The following MYO3B variants were observed in gnomAD, a reference collection of about 807,000 sequenced individuals.
MYO3B encodes the protein myosin-IIIb.
Under a neutral mutation model 174.6 loss-of-function variants are expected in MYO3B, and 156 were observed. The observed-to-expected ratio is 0.89, with a 90% confidence interval of 0.78 to 1.02. MYO3B has a LOEUF of 1.02. Ranked by LOEUF, MYO3B falls within the 50% of genes least tolerant of loss-of-function variation. The pLI is 0.00. For missense variants in MYO3B, 1,632 were observed against 1,639.4 expected, an observed-to-expected ratio of 1.00 and a Z score of 0.08; for synonymous variants, 563 against 569.1, an observed-to-expected ratio of 0.99 and a Z score of 0.15.
At chr2:170,186,037 G>A (rs1215662097) in intron 1 of MYO3B, among the ~76,000 whole-genome samples, 1 of 152,030 alleles carries the variant, frequency 6.6e-6, no homozygotes. Context: ...TTTTAATAGT[G>A]TTTTGGTTTT....
intron 32 of MYO3B, among the ~76,000 whole-genome samples, chr2:170,650,611 A>G (rs1197233241): frequency 1.3e-5 from 2 of 151,402 alleles, no homozygotes; most frequent in Non-Finnish European, 2.9e-5. Flanking sequence ...TGATTCAGAT[A>G]TAGAGCCAAA....
At chr2:170,267,918 T>C (rs967012453) in intron 7 of MYO3B, among the ~76,000 whole-genome samples, 5 of 152,038 alleles carry the variant, frequency 3.3e-5, no homozygotes, top group Non-Finnish European at 5.9e-5. Context: ...ATAAAGAAAC[T>C]GTAGAAAGTC....
intron 32 of MYO3B, among the ~76,000 whole-genome samples, chr2:170,570,078 C>G: frequency 6.6e-6 from 1 of 152,176 alleles, no homozygotes; most frequent in Non-Finnish European, 1.5e-5. Context: ...TAAGGAGACT[C>G]AGACACTGGT....
At chr2:170,412,759 C>T (rs754368584) in intron 22 of MYO3B, among the ~76,000 whole-genome samples, 2 of 152,132 alleles carry the variant, frequency 1.3e-5, no homozygotes, top group African/African-American at 2.4e-5. Flanking sequence ...GATAGTTTAG[C>T]AAAAGGGTCT....
intron 14 of MYO3B, among the ~76,000 whole-genome samples, chr2:170,387,522 A>G (rs1298851148): frequency 6.6e-6 from 1 of 152,132 alleles, no homozygotes; most frequent in Admixed American, 6.6e-5. Context: ...TGCTTTAGGG[A>G]TGGGTATGCT....
intron 5 of MYO3B, among the ~76,000 whole-genome samples, chr2:170,216,776 G>A (rs184759548): frequency 2.0e-5 from 3 of 152,148 alleles, no homozygotes; most frequent in East Asian, 1.9e-4. Context: ...TATTAAGAAA[G>A]AAGTCATGTG....
chr2:170,465,745 T>A (rs1216740340), intron 24 of MYO3B, among the ~76,000 whole-genome samples: 2 of 152,126 alleles, frequency 1.3e-5, no homozygotes, highest in East Asian at 3.9e-4. Context: ...ACCTGAAAAA[T>A]AAGTTACCTT....
intron 7 of MYO3B, among the ~76,000 whole-genome samples, chr2:170,314,192 C>T (rs1011182271): frequency 2.4e-4 from 37 of 152,150 alleles, no homozygotes; most frequent in South Asian, 2.1e-4. Context: ...CCAAGCACCT[C>T]TCCCCAGAAG....
chr2:170,195,723 G>A (rs976190463), intron 1 of MYO3B, among the ~76,000 whole-genome samples: 7 of 152,112 alleles, frequency 4.6e-5, no homozygotes, highest in African/African-American at 1.7e-4. Flanking sequence ...TGAGTCTGGA[G>A]CCCCCAAGGC....
chr2:170,291,168 G>C (rs2093593180), intron 7 of MYO3B, among the ~76,000 whole-genome samples: 1 of 152,022 alleles, frequency 6.6e-6, no homozygotes. Context: ...AGAATTGCTG[G>C]AACCTGGGAG....
At chr2:170,367,278 G>A (rs945226748) in intron 8 of MYO3B, among the ~76,000 whole-genome samples, 1 of 152,228 alleles carries the variant, frequency 6.6e-6, no homozygotes, top group South Asian at 2.1e-4. Flanking sequence ...GGTGACGGAT[G>A]GGTGGGATGA....
intron 25 of MYO3B, among the ~76,000 whole-genome samples, chr2:170,473,344 C>T (rs1294063911): frequency 6.6e-6 from 1 of 151,908 alleles, no homozygotes; most frequent in Non-Finnish European, 1.5e-5. Context: ...GACGGGGTTT[C>T]ACCATGTTAG....
In MYO3B at chr2:170,399,919, A is replaced by G. The variant is rs191734860; in HGVS notation, c.1792-269A>G. On this transcript the variant is annotated intron_variant, in intron 16 of 34. Coordinates refer to ENST00000408978, the MANE Select transcript of MYO3B (RefSeq NM_138995.5). The stretch of plus-strand genomic sequence containing the variant: ...GCTGTGCTGGGAGTTCCAGCCGGCA[A>G]TAATGAGAAGGAAAGTGTGGAGGAG... Among the ~76,000 whole-genome samples the G allele has an allele frequency of 2.5e-3, 385 of 152,370 alleles. 3 individuals are homozygous for G. The highest frequency in any genetic ancestry group is 8.6e-3 in the African/African-American group (359 of 41,590).
At chr2:170,369,467 G>T in intron 9 of MYO3B, 90 bp downstream of exon 9, 1 of 1,361,286 alleles carries the variant, frequency 7.3e-7, no homozygotes, top group Non-Finnish European at 1.0e-6. Flanking sequence ...ATTACTGGTA[G>T]TTATTACATT....
intron 32 of MYO3B, among the ~76,000 whole-genome samples, chr2:170,606,328 C>T (rs948422552): frequency 6.6e-6 from 1 of 152,184 alleles, no homozygotes; most frequent in African/African-American, 2.4e-5. Flanking sequence ...TCTAGCTACA[C>T]TGGGCAGATC....
intron 22 of MYO3B, among the ~76,000 whole-genome samples, chr2:170,434,494 C>G (rs1372822852): frequency 6.6e-6 from 1 of 152,112 alleles, no homozygotes; most frequent in Non-Finnish European, 1.5e-5. Context: ...TGTCATTCCC[C>G]TATTGGCTAG....
intron 25 of MYO3B, among the ~76,000 whole-genome samples, chr2:170,489,953 T>G (rs1686351704): frequency 6.6e-6 from 1 of 152,130 alleles, no homozygotes; most frequent in Admixed American, 6.6e-5. Context: ...GTTTTATACA[T>G]TGTCAGATTT....
chr2:170,632,452 C>G (rs1017545861), intron 32 of MYO3B, among the ~76,000 whole-genome samples: 1 of 151,960 alleles, frequency 6.6e-6, no homozygotes, highest in East Asian at 1.9e-4. Context: ...CACAACATAC[C>G]AGAATCTCTG....
chr2:170,327,323 T>C (rs1434594081), intron 7 of MYO3B, among the ~76,000 whole-genome samples: 1 of 152,212 alleles, frequency 6.6e-6, no homozygotes, highest in Non-Finnish European at 1.5e-5. Context: ...AGATGGAGAT[T>C]GAAGTGAGCT....
Sources: gnomAD v4.1 joint callset for allele counts (sites outside exome capture counted in the v4.1 genomes callset) on GRCh38, gnomAD v4.1.1 for gene constraint, MANE v1.5 for transcripts, NCBI Gene and HGNC (gene_info 2026-07-23, HGNC 2026-07-21) for gene names.